The following IQCE variants were observed in gnomAD, a reference collection of about 807,000 sequenced individuals.
The protein encoded by IQCE is IQ motif containing E, also known as IQ domain-containing protein E.
IQCE carries 115 observed loss-of-function variants against 96.0 expected under a neutral mutation model. That is an observed-to-expected ratio of 1.20 (90% confidence interval 1.03 to 1.40). The LOEUF (loss-of-function observed/expected upper bound fraction) is 1.40, where lower values mean the gene tolerates loss of function less well. IQCE is among the 40% of genes most tolerant of loss of function. IQCE has a pLI of 0.00. For missense variants in IQCE, 1,041 were observed against 909.1 expected (o/e 1.15, Z -1.87); for synonymous variants, 412 against 371.2 (o/e 1.11, Z -1.26).
At chr7:2,582,798 T>C (rs985494775) in intron 9 of IQCE, 148 bp downstream of exon 9, 115 of 640,156 alleles carry the variant, frequency 1.8e-4, no homozygotes, top group Admixed American at 1.2e-3. Flanking sequence ...TTTTTAATTT[T>C]TTTATTGTCT....
intron 11 of IQCE, 118 bp downstream of exon 11, chr7:2,584,403 T>TG (rs1419907733): frequency 2.2e-6 from 2 of 889,474 alleles, no homozygotes; most frequent in East Asian, 4.8e-5. Flanking sequence ...TTGGCAGTGC[T>TG]GCCAACACTG....
rs1264825620 is a variant in IQCE, at chr7:2,613,509, C to T, written c.*3347C>T. On this transcript the variant is annotated 3_prime_UTR_variant, in exon 22 of 22. Coordinates refer to ENST00000402050, the MANE Select transcript of IQCE (RefSeq NM_152558.5). Reference sequence around the variant, plus strand: ...GGGAGAAAGAGGAGGAGGCCCCAGGCTCAGAAGCCAGGGACAGACTGCCGA... The same window carrying T: ...GGGAGAAAGAGGAGGAGGCCCCAGGTTCAGAAGCCAGGGACAGACTGCCGA... The T allele has an allele frequency of 1.3e-5, 2 of 152,244 alleles. No individual in the cohort carries two copies. The highest frequency in any genetic ancestry group is 1.3e-4 in the Admixed American group (2 of 15,282). 9.4% of individuals were successfully genotyped at this position (152,244 alleles called of 1,614,324 possible).
At chr7:2,593,505 C>T (rs1303931425) in intron 15 of IQCE, among the ~76,000 whole-genome samples, 8 of 152,396 alleles carry the variant, frequency 5.2e-5, no homozygotes, top group South Asian at 2.1e-4. Flanking sequence ...GCCCACCCCA[C>T]GGCCCATCAA....
intron 5 of IQCE, among the ~76,000 whole-genome samples, 196 bp downstream of exon 5, chr7:2,572,522 A>C (rs1350007518): frequency 1.3e-5 from 2 of 152,160 alleles, no homozygotes; most frequent in Non-Finnish European, 2.9e-5. Context: ...CCCAGAAGGT[A>C]GCTTTCCTCG....
At chr7:2,595,184 G>A (rs957074903) in intron 16 of IQCE, among the ~76,000 whole-genome samples, 3 of 152,294 alleles carry the variant, frequency 2.0e-5, no homozygotes, top group Middle Eastern at 3.4e-3. Context: ...TTGACTTCTC[G>A]AACTGATATT....
Position 2,576,431 on chromosome 7 carries a change from G to A in IQCE, c.466-1811G>A, listed in dbSNP as rs1438426398. On this transcript the variant is annotated intron_variant, in intron 6 of 21. Transcript: ENST00000402050. ...AGAGTCTTTTTTTTTCTTTTTTTTT[G>A]AGACAGAGTCTCACTCTCGTCTAGG... is the stretch of plus-strand genomic sequence containing the variant. Among the ~76,000 whole-genome samples, 7 of 144,460 alleles carry A rather than the reference G, an allele frequency of 4.8e-5. No homozygotes were observed. In the East Asian group the frequency reaches 1.3e-3, roughly 27 times the overall value. 94.8% of individuals were successfully genotyped at this position (144,460 alleles called of 152,430 possible). A position where few individuals can be genotyped will look rare whatever the true frequency, so the allele number is the denominator to read the frequency against.
At chr7:2,564,546 C>T (rs1394224185) in intron 1 of IQCE, among the ~76,000 whole-genome samples, 2 of 151,520 alleles carry the variant, frequency 1.3e-5, no homozygotes, top group African/African-American at 2.4e-5. Context: ...GGCAGTGAGC[C>T]GAGATTGTGT....
intron 6 of IQCE, 149 bp downstream of exon 6, chr7:2,573,637 GC>G (rs1028869763): frequency 5.6e-6 from 3 of 538,522 alleles, no homozygotes; most frequent in African/African-American, 2.0e-5. Context: ...GTGGCGTAGT[GC>G]CCTAGGAGCT....
chr7:2,564,503 C>A lies in IQCE; in HGVS notation c.37-2613C>A, dbSNP rs562593939. On this transcript the variant is annotated intron_variant, in intron 1 of 21. Transcript: ENST00000402050. ...ATCCCAGCTACTCAGGAGGCTGAGG[C>A]AGGAGAATCGCTTGTACCCGGGAGG... Among the ~76,000 whole-genome samples, 509 of 152,026 alleles carry A rather than the reference C, an allele frequency of 3.3e-3. 4 individuals carry two copies. The highest frequency in any genetic ancestry group is 0.012 in the African/African-American group (486 of 41,440).
At chr7:2,565,913 C>T (rs1253669110) in intron 1 of IQCE, among the ~76,000 whole-genome samples, 1 of 152,312 alleles carries the variant, frequency 6.6e-6, no homozygotes, top group African/African-American at 2.4e-5. Flanking sequence ...GTGTCCTGGC[C>T]TGTCTAGTTG....
chr7:2,578,771 T>C (rs1782417866), intron 8 of IQCE, among the ~76,000 whole-genome samples: 1 of 152,150 alleles, frequency 6.6e-6, no homozygotes, highest in African/African-American at 2.4e-5. Flanking sequence ...GACTTCCCCC[T>C]CACACCTGAG....
Position 2,567,305 on chromosome 7 carries a change from T to C in IQCE, c.84+142T>C, listed in dbSNP as rs1583393498. On this transcript the variant is annotated intron_variant, in intron 2 of 21. Coordinates refer to ENST00000402050, the MANE Select transcript of IQCE (RefSeq NM_152558.5). ...GCATATTCCGAATGCTCCTTGGTGT[T>C]TGAAAAGTTTCCAGCCCTTAGGTTT... The C allele has an allele frequency of 1.3e-5, 9 of 703,424 alleles. No individual in the cohort carries two copies. The East Asian group carries it at 2.2e-4, about 17-fold the overall frequency. The allele number at this position is 703,424 out of a possible 1,614,324, so 43.6% of individuals were successfully genotyped here. A position where few individuals can be genotyped will look rare whatever the true frequency, so the allele number is the denominator to read the frequency against.
intron 14 of IQCE, among the ~76,000 whole-genome samples, chr7:2,591,804 A>G (rs184984144): frequency 4.5e-4 from 69 of 152,058 alleles, no homozygotes; most frequent in Non-Finnish European, 4.9e-4. Flanking sequence ...TATTTTTAGT[A>G]GAGATGGGGT....
intron 1 of IQCE, among the ~76,000 whole-genome samples, chr7:2,566,175 A>G (rs1333633881): frequency 1.3e-5 from 2 of 152,134 alleles, no homozygotes; most frequent in Admixed American, 1.3e-4. Flanking sequence ...CAGTGTCCGC[A>G]TTGGAAAGCA....
intron 6 of IQCE, among the ~76,000 whole-genome samples, chr7:2,577,054 C>T (rs1359441055): frequency 6.6e-6 from 1 of 152,184 alleles, no homozygotes; most frequent in Non-Finnish European, 1.5e-5. Flanking sequence ...CTTCCACGTC[C>T]CCACCCACTA....
At chr7:2,581,248 C>G (rs1249236410) in intron 8 of IQCE, among the ~76,000 whole-genome samples, 1 of 152,098 alleles carries the variant, frequency 6.6e-6, no homozygotes, top group Non-Finnish European at 1.5e-5. Context: ...CTCTGTCGCC[C>G]AGGCTGCAGT....
chr7:2,578,732 C>A (rs1356089254), intron 8 of IQCE, among the ~76,000 whole-genome samples: 1 of 152,164 alleles, frequency 6.6e-6, no homozygotes, highest in Non-Finnish European at 1.5e-5. Flanking sequence ...CCAAGCAAGA[C>A]ACTGTAGGAA....
intron 15 of IQCE, among the ~76,000 whole-genome samples, chr7:2,594,356 G>A (rs538825142): frequency 1.5e-5 from 2 of 131,096 alleles, no homozygotes; most frequent in Non-Finnish European, 3.3e-5. Flanking sequence ...AAGGGCACAT[G>A]TGCAGAAATG....
chr7:2,602,823 C>T (rs1243979585), intron 18 of IQCE, among the ~76,000 whole-genome samples: 4 of 152,244 alleles, frequency 2.6e-5, no homozygotes, highest in African/African-American at 4.8e-5. Flanking sequence ...AGTATGGTCG[C>T]GGGTGTGGGC....
Sources: allele counts gnomAD v4.1 joint callset (sites outside exome capture counted in the v4.1 genomes callset), GRCh38; gene constraint gnomAD v4.1.1; transcripts MANE v1.5; gene names NCBI Gene and HGNC (gene_info 2026-07-23, HGNC 2026-07-21).